PIEZO1: variants seen among roughly 807,000 people sequenced by gnomAD.
PIEZO1 encodes the protein piezo type mechanosensitive ion channel component 1 (Er blood group).
Under a neutral mutation model 297.2 loss-of-function variants are expected in PIEZO1, and 296 were observed. The ratio of observed to expected loss-of-function variants is 1.00; its 90% confidence interval spans 0.91 to 1.10. PIEZO1 has a LOEUF of 1.10. Among genes scored for constraint, PIEZO1 ranks in the 50% least tolerant of loss-of-function variants. The pLI, the probability that PIEZO1 is intolerant of heterozygous loss-of-function variation, is 0.00. For missense variants in PIEZO1, 5,018 were observed against 3,455.5 expected (o/e 1.45, Z -11.34); for synonymous variants, 2,427 against 1,507.5 (o/e 1.61, Z -14.13).
chr16:88,777,177 T>C (rs938157537), intron 1 of PIEZO1, among the ~76,000 whole-genome samples: 1 of 152,254 alleles, frequency 6.6e-6, no homozygotes, highest in Non-Finnish European at 1.5e-5. Context: ...TTTGCCATGT[T>C]GGCCAGGCTG....
rs1355223388 is a variant in PIEZO1 at position 88,716,575 on chromosome 16, T to G, written c.6910A>C (p.Thr2304Pro). Reference sequence around the variant, plus strand: ...AGGACGAACCTCTGGAAGTTCCAGGTGAAGCGCAGGGTGATGTCGGCCGTG... The same window carrying G: ...AGGACGAACCTCTGGAAGTTCCAGGGGAAGCGCAGGGTGATGTCGGCCGTG... ...NGTADITLRF[T>P]WNFQRDLAKG... The change falls in exon 47 of 51, where the codon ACC becomes CCC. Residue 2304 changes from threonine (T) to proline (P), a missense_variant. By Grantham distance (38) the Thr-to-Pro change is conservative. Coordinates refer to ENST00000301015, the MANE Select transcript of PIEZO1 (RefSeq NM_001142864.4). 2 of 1,544,110 alleles carry G rather than the reference T, an allele frequency of 1.3e-6. No homozygotes were observed. The highest frequency in any genetic ancestry group is 1.7e-6 in the Non-Finnish European group (2 of 1,142,872).
chr16:88,715,575 T>A lies in PIEZO1; in HGVS notation c.*30A>T. The A allele has an allele frequency of 6.5e-7, 1 of 1,542,414 alleles. No homozygotes were observed. Among genetic ancestry groups the A allele is most frequent in the South Asian group, 1.2e-5 (1 of 83,900 alleles). On this transcript the variant is annotated 3_prime_UTR_variant, in exon 51 of 51. Coordinates refer to ENST00000301015, the MANE Select transcript of PIEZO1 (RefSeq NM_001142864.4). The stretch of plus-strand genomic sequence containing the variant: ...TGGCCACGCTGCCCAGCAGGCCGGC[T>A]CCTTCCCTCTCGGGCGCCAGCAGCA...
At chr16:88,739,600 C>G (rs1213677118) in intron 5 of PIEZO1, 1 of 152,358 alleles carries the variant, frequency 6.6e-6, no homozygotes, top group African/African-American at 2.4e-5. Flanking sequence ...CAAGTCACAG[C>G]CTCTCGGAGC....
intron 1 of PIEZO1, among the ~76,000 whole-genome samples, chr16:88,761,856 A>C (rs940891500): frequency 6.6e-6 from 1 of 151,696 alleles, no homozygotes; most frequent in African/African-American, 2.4e-5. Context: ...GCTCCCCTGC[A>C]GGGTCAGGGA....
intron 1 of PIEZO1, among the ~76,000 whole-genome samples, chr16:88,765,368 G>A (rs1292273295): frequency 6.6e-6 from 1 of 152,220 alleles, no homozygotes; most frequent in Non-Finnish European, 1.5e-5. Flanking sequence ...GGAGAGGGAG[G>A]GGAATCTCAG....
chr16:88,747,439 C>A (rs905690245), intron 2 of PIEZO1, among the ~76,000 whole-genome samples: 2 of 152,224 alleles, frequency 1.3e-5, no homozygotes, highest in Non-Finnish European at 2.9e-5. Flanking sequence ...TCGCTTGAAC[C>A]CGCGAGGCGG....
chr16:88,749,340 C>A, intron 2 of PIEZO1, 44 bp downstream of exon 2: 1 of 1,309,182 alleles, frequency 7.6e-7, no homozygotes, highest in Non-Finnish European at 1.0e-6. Context: ...CGAATGCCCA[C>A]CCCCTCCCAC....
intron 1 of PIEZO1, among the ~76,000 whole-genome samples, chr16:88,776,355 AC>A (rs1006163017): frequency 3.9e-5 from 6 of 152,016 alleles, no homozygotes; most frequent in Non-Finnish European, 5.9e-5. Flanking sequence ...AATGGCGTGA[AC>A]CTGGGAGGCA....
At chr16:88,716,965 C>G (rs77442987) in intron 45 of PIEZO1, 58 bp downstream of exon 45, 12 of 1,545,302 alleles carry the variant, frequency 7.8e-6, no homozygotes, top group East Asian at 2.4e-5. Context: ...GGTGGTGCAC[C>G]ACCTTGGCCA....
At position 88,720,119 on chromosome 16, in the gene PIEZO1, C is replaced by T; in HGVS notation, c.6114G>A (p.Val2038=). Residue 2038 remains valine, a synonymous_variant, in exon 42 of 51, where the codon GTG becomes GTA. Coordinates refer to ENST00000301015, the MANE Select transcript of PIEZO1 (RefSeq NM_001142864.4). ...LGKLAFQVAL[V]LAIHLWMFFI... is the part of the protein sequence containing the mutation. ...AGAACATCCATAGGTGGATGGCCAGCACCAGCGCCACCTGGAAGGCCAGCT... is the reference window on the plus strand; with the variant it reads ...AGAACATCCATAGGTGGATGGCCAGTACCAGCGCCACCTGGAAGGCCAGCT... 3.2e-6 allele frequency: 5 copies of T among 1,550,410 alleles called. No individual in the cohort carries two copies. Among genetic ancestry groups the T allele is most frequent in the African/African-American group, 1.4e-5 (1 of 73,184 alleles).
Position 88,722,153 on chromosome 16 carries a change from T to C in PIEZO1, c.4955+65A>G, listed in dbSNP as rs116828364. Reference sequence around the variant, plus strand: ...CTGTTGCCGGTCACAGTCAGTCTCCTGCCCCTGTTCGGCTGCTCCCCGAGG... The same window carrying C: ...CTGTTGCCGGTCACAGTCAGTCTCCCGCCCCTGTTCGGCTGCTCCCCGAGG... On this transcript the variant is annotated intron_variant, in intron 36 of 50. Transcript: ENST00000301015. 4.6e-3 allele frequency: 7,012 copies of C among 1,522,934 alleles called. 221 individuals carry two copies. In the African/African-American group the frequency reaches 0.073, roughly 16 times the overall value. The allele number at this position is 1,522,934 out of a possible 1,614,324, so 94.3% of individuals were successfully genotyped here.
At chr16:88,753,122 A>G (rs1400514874) in intron 1 of PIEZO1, among the ~76,000 whole-genome samples, 1 of 43,526 alleles carries the variant, frequency 2.3e-5, no homozygotes, top group Non-Finnish European at 4.2e-5. Flanking sequence ...GAGCACACTC[A>G]CCCCCGGAGC....
intron 1 of PIEZO1, among the ~76,000 whole-genome samples, chr16:88,782,732 C>G (rs900966739): frequency 6.6e-6 from 1 of 152,250 alleles, no homozygotes; most frequent in Non-Finnish European, 1.5e-5. Context: ...ACTCCAAAGA[C>G]AGCAAAGCCA....
At chr16:88,724,629 G>C (rs1308242793) in intron 30 of PIEZO1, among the ~76,000 whole-genome samples, 1 of 152,044 alleles carries the variant, frequency 6.6e-6, no homozygotes, top group Non-Finnish European at 1.5e-5. Context: ...GGGAGGTAGA[G>C]ATTGCAGTGA....
intron 1 of PIEZO1, among the ~76,000 whole-genome samples, chr16:88,771,761 G>A (rs2926773): frequency 0.11 from 15,540 of 140,516 alleles, 446 homozygotes; most frequent in African/African-American, 0.24. Flanking sequence ...CTCTATGCCC[G>A]TCCACCCGCG....
At chr16:88,763,048 T>A (rs1163308938) in intron 1 of PIEZO1, among the ~76,000 whole-genome samples, 2 of 152,132 alleles carry the variant, frequency 1.3e-5, no homozygotes, top group African/African-American at 4.8e-5. Context: ...ACCAAAACAG[T>A]CTGGCCCTGG....
At chr16:88,722,126 A>C (rs552955948) in intron 36 of PIEZO1, 60 bp from the exon 37 acceptor site, 2 of 1,523,976 alleles carry the variant, frequency 1.3e-6, no homozygotes, top group South Asian at 2.4e-5. Context: ...TGACGGCCCG[A>C]TCTGTTGCCG....
At chr16:88,745,272 G>C (rs1010689590) in intron 2 of PIEZO1, 4 of 152,216 alleles carry the variant, frequency 2.6e-5, no homozygotes, top group Non-Finnish European at 4.4e-5. Flanking sequence ...CTGGGAAAGG[G>C]AGTGAGAGGA....
chr16:88,722,942 T>C lies in PIEZO1; in HGVS notation c.4563A>G (p.Leu1521=). 6.5e-7 allele frequency: 1 copy of C among 1,549,300 alleles called. No individual in the cohort carries two copies. The highest frequency in any genetic ancestry group is 1.4e-5 in the African/African-American group (1 of 73,114). The part of the protein sequence containing the change: ...AQFLWMLGQA[L]VDELTRWLQE... ...GCAGCCAGCGTGTCAGCTCATCCACTAGCGCCTGCCCCAGCATCCACAGGA... is the reference window on the plus strand; with the variant it reads ...GCAGCCAGCGTGTCAGCTCATCCACCAGCGCCTGCCCCAGCATCCACAGGA... Residue 1521 remains leucine (L), a synonymous_variant, in exon 34 of 51, where the codon CTA becomes CTG. Transcript: ENST00000301015.
Sources: allele counts gnomAD v4.1 joint callset (sites outside exome capture counted in the v4.1 genomes callset), GRCh38; gene constraint gnomAD v4.1.1; transcripts MANE v1.5; gene names NCBI Gene and HGNC (gene_info 2026-07-23, HGNC 2026-07-21).